CAMK2G: variants seen among roughly 807,000 people sequenced by gnomAD.
The protein encoded by CAMK2G is calcium/calmodulin dependent protein kinase II gamma.
In CAMK2G, 23 loss-of-function variants were observed where a neutral mutation model predicts 88.7. The ratio of observed to expected loss-of-function variants is 0.26; its 90% CI spans 0.19 to 0.37. The LOEUF is 0.37. Among genes scored for constraint, CAMK2G ranks in the 10% least tolerant of loss-of-function variants. CAMK2G has a pLI of 1.00. For missense variants in CAMK2G, 476 were observed against 780.8 expected (o/e 0.61, Z 4.65); for synonymous variants, 263 against 294.8 (o/e 0.89, Z 1.11).
chr10:73,830,274 CT>C (rs1389558220), intron 14 of CAMK2G, among the ~76,000 whole-genome samples: 1 of 152,040 alleles, frequency 6.6e-6, no homozygotes, highest in Non-Finnish European at 1.5e-5. Context: ...AATGTGAGGT[CT>C]TTTTATTATT....
intron 21 of CAMK2G, chr10:73,816,347 C>A: frequency 1.0e-6 from 1 of 998,860 alleles, no homozygotes; most frequent in Non-Finnish European, 1.2e-6. Context: ...GTTTTAATTT[C>A]CTCTATTGTG....
At chr10:73,871,081 G>T (rs559720031) in intron 2 of CAMK2G, among the ~76,000 whole-genome samples, 1 of 152,088 alleles carries the variant, frequency 6.6e-6, no homozygotes, top group Non-Finnish European at 1.5e-5. Flanking sequence ...ACACAACAGA[G>T]CCCAGTCTTG....
rs370530365 is a variant in CAMK2G, at chr10:73,817,538, G to A, written c.1380C>T (p.Ile460=). ...LCSSAMRKQE[I]IKITEQLIEA... ...CAATCAGCTGTTCTGTAATCTTAAT[G>A]ATCTCCTGTTTTCGCACTGTGGGGG... Residue 460 remains isoleucine, a synonymous_variant, in exon 20 of 23, where the codon ATC becomes ATT. Transcript: ENST00000423381. The A allele has an allele frequency of 3.7e-6, 6 of 1,612,804 alleles. No individual in the cohort carries two copies. In the South Asian group the frequency reaches 6.6e-5, roughly 18 times the overall value.
chr10:73,817,151 C>A (rs759047731), intron 20 of CAMK2G, 34 bp from the exon 21 acceptor site: 1 of 1,576,060 alleles, frequency 6.3e-7, no homozygotes, highest in East Asian at 2.2e-5. Context: ...GCCTATCAGG[C>A]TTCTATGGAG....
At chr10:73,869,313 C>T (rs2095715976) in intron 2 of CAMK2G, among the ~76,000 whole-genome samples, 1 of 152,216 alleles carries the variant, frequency 6.6e-6, no homozygotes, top group Non-Finnish European at 1.5e-5. Context: ...GGAAGAGATC[C>T]CAACAGTGGC....
chr10:73,821,675 CA>C lies in CAMK2G; in HGVS notation c.1249+6del, dbSNP rs747559332. On this transcript the variant is annotated splice_donor_region_variant and intron_variant, in intron 18 of 22. Transcript: ENST00000423381. ...GAGTCCTTCCCCCTCCAAGGGCCAG[CA>C]CCTACCTTTGAGGTCCTCATCTTCT... 2.9e-5 allele frequency: 47 copies of C among 1,608,354 alleles called. No homozygotes were observed. The South Asian group carries it at 5.2e-4, about 18-fold the overall frequency.
At chr10:73,828,597 G>C (rs1038052810) in intron 14 of CAMK2G, among the ~76,000 whole-genome samples, 4 of 152,210 alleles carry the variant, frequency 2.6e-5, no homozygotes, top group Admixed American at 2.6e-4. Context: ...AATAAAATTT[G>C]ACTTCTGACT....
At chr10:73,872,649 C>G (rs1050410084) in intron 2 of CAMK2G, among the ~76,000 whole-genome samples, 2 of 152,304 alleles carry the variant, frequency 1.3e-5, no homozygotes, top group Admixed American at 6.5e-5. Flanking sequence ...ACCACTGCCC[C>G]AAAGGGAGAG....
At chr10:73,820,925 T>C (rs1021515976) in intron 18 of CAMK2G, among the ~76,000 whole-genome samples, 4 of 152,038 alleles carry the variant, frequency 2.6e-5, no homozygotes, top group Non-Finnish European at 4.4e-5. Flanking sequence ...TCCACCCACC[T>C]TGGCCTCCCA....
intron 16 of CAMK2G, among the ~76,000 whole-genome samples, 167 bp from the exon 17 acceptor site, chr10:73,824,251 C>T (rs547028895): frequency 1.3e-5 from 2 of 152,298 alleles, no homozygotes; most frequent in South Asian, 2.1e-4. Flanking sequence ...ACTGGGGTCC[C>T]GGGCAGCTGG....
At position 73,848,799 on chromosome 10, in the gene CAMK2G, G is replaced by A. The variant is rs552919971; in HGVS notation, c.518-190C>T. Among the ~76,000 whole-genome samples the A allele has an allele frequency of 5.9e-5, 9 of 152,278 alleles. No individual in the cohort carries two copies. Among genetic ancestry groups the A allele is most frequent in the Non-Finnish European group, 1.2e-4 (8 of 68,046 alleles). ...GGAATCTGAACCAGACGGCAAAGCC[G>A]TATGCCTACCAGGAACTCCAGCTCC... is the stretch of plus-strand genomic sequence containing the variant. On this transcript the variant is annotated intron_variant, in intron 7 of 22. Transcript: ENST00000423381. This position sits in a 1 kb window ranked among gnomAD's most constrained non-coding sequence, Gnocchi z 4.5.
chr10:73,829,106 T>C (rs2091851442), intron 14 of CAMK2G, among the ~76,000 whole-genome samples: 1 of 152,182 alleles, frequency 6.6e-6, no homozygotes, highest in East Asian at 1.9e-4. Context: ...GATAAACTGC[T>C]CCTGCCCTCA....
intron 2 of CAMK2G, among the ~76,000 whole-genome samples, chr10:73,865,308 C>A (rs1236681192): frequency 6.6e-6 from 1 of 152,202 alleles, no homozygotes; most frequent in Non-Finnish European, 1.5e-5. Context: ...GCAACAGGGG[C>A]TCCTCAGAGA....
rs140925365 is a variant in CAMK2G at position 73,847,324 on chromosome 10, C to T, written c.720G>A (p.Thr240=). The T allele has an allele frequency of 3.5e-5, 57 of 1,614,046 alleles. No individual in the cohort carries two copies. The Admixed American group carries it at 7.7e-4, about 22-fold the overall frequency. Residue 240 remains threonine, a synonymous_variant, in exon 10 of 23, where the codon ACG becomes ACA. Coordinates refer to ENST00000423381, the MANE Select transcript of CAMK2G (RefSeq NM_001367534.1). ...TCAAGTTCTTGGCTTCAGGAGTTAC[C>T]GTGTCCCATTCTGGTGATGGGAACT... ...AYDFPSPEWD[T]VTPEAKNLIN... is the part of the protein sequence containing the mutation.
chr10:73,855,688 G>A (rs1175335544), intron 3 of CAMK2G, among the ~76,000 whole-genome samples: 3 of 152,220 alleles, frequency 2.0e-5, no homozygotes, highest in Admixed American at 6.5e-5. Context: ...GGAGGAAGCC[G>A]GGGAAGGGAA....
rs927597306 is a variant in CAMK2G at position 73,820,486 on chromosome 10, A to T, written c.1250-841T>A. Among the ~76,000 whole-genome samples the T allele has an allele frequency of 1.7e-3, 87 of 51,862 alleles. 1 individual carries two copies. The highest frequency in any genetic ancestry group is 7.9e-3 in the African/African-American group (67 of 8,436). The allele number at this position is 51,862 out of a possible 152,430, so 34.0% of individuals were successfully genotyped here. On this transcript the variant is annotated intron_variant, in intron 18 of 22. Coordinates refer to ENST00000423381, the MANE Select transcript of CAMK2G (RefSeq NM_001367534.1). ...TATTTATATATATATATATATATAT[A>T]TATATATTTTTTTTTTTTTTTTTTT...
intron 10 of CAMK2G, among the ~76,000 whole-genome samples, chr10:73,843,330 T>C (rs2093959146): frequency 6.6e-6 from 1 of 152,184 alleles, no homozygotes; most frequent in Non-Finnish European, 1.5e-5. Context: ...CCTCCCAGAG[T>C]CCTGGGATAA....
At chr10:73,836,249 C>A (rs1315108032) in intron 14 of CAMK2G, among the ~76,000 whole-genome samples, 1 of 152,216 alleles carries the variant, frequency 6.6e-6, no homozygotes. Context: ...CTGGACTAAA[C>A]CATCTCGCGT....
At chr10:73,832,964 TC>T (rs2092682912) in intron 14 of CAMK2G, among the ~76,000 whole-genome samples, 2 of 88,548 alleles carry the variant, frequency 2.3e-5, no homozygotes, top group East Asian at 1.2e-3. Context: ...TTTTCTTCTC[TC>T]TCTTTTTTTT....
Sources: gnomAD v4.1 joint callset for allele counts (sites outside exome capture counted in the v4.1 genomes callset) on GRCh38, gnomAD v4.1.1 for gene constraint, Gnocchi (gnomAD v3.1) non-coding constraint, MANE v1.5 for transcripts, NCBI Gene and HGNC (gene_info 2026-07-23, HGNC 2026-07-21) for gene names.